The following HIVEP3 variants were observed in gnomAD, a reference collection of about 807,000 sequenced individuals.
HIVEP3 encodes the protein HIVEP zinc finger 3.
HIVEP3 carries 49 observed loss-of-function variants against 152.8 expected under a neutral mutation model. That is an observed-to-expected ratio of 0.32 (90% CI 0.26 to 0.41). The LOEUF is 0.41. HIVEP3 is among the 10% of genes least tolerant of loss of function. The probability of loss-of-function intolerance (pLI) is 1.00; values close to 1 mark genes in which losing one functional copy is unlikely to be tolerated. For synonymous variants in HIVEP3, 1,269 were observed against 1,289.0 expected (o/e 0.98, Z 0.33); for missense variants, 2,790 against 3,103.3 (o/e 0.90, Z 2.40).
At chr1:41,721,310 C>T (rs543891906) in intron 1 of HIVEP3, among the ~76,000 whole-genome samples, 3 of 152,030 alleles carry the variant, frequency 2.0e-5, no homozygotes, top group South Asian at 4.2e-4. Flanking sequence ...CAGGTTCAAG[C>T]GATTCTCCTG....
rs949577708 is a variant in HIVEP3, at chr1:41,533,897, G to T, written c.5208-8987C>A. On this transcript the variant is annotated intron_variant, in intron 5 of 8. Coordinates refer to ENST00000372583, the MANE Select transcript of HIVEP3 (RefSeq NM_024503.5). The surrounding 1 kb of genome is among the most constrained non-coding windows in gnomAD (Gnocchi z 4.3). ...CTCATACCTTGCGTGCCCAGAACCA[G>T]CCTTCCAAGTCCCTCTACCTGCAGT... Among the ~76,000 whole-genome samples the T allele has an allele frequency of 6.7e-6, 1 of 148,492 alleles. No homozygotes were observed. The highest frequency in any genetic ancestry group is 2.0e-4 in the East Asian group (1 of 4,928).
chr1:41,754,040 G>A (rs1469683251), intron 1 of HIVEP3, among the ~76,000 whole-genome samples: 1 of 152,206 alleles, frequency 6.6e-6, no homozygotes, highest in Admixed American at 6.5e-5. Flanking sequence ...AGCTGAGGAA[G>A]ACATTCTGGG....
At chr1:41,570,316 T>A (rs1644233614) in intron 5 of HIVEP3, among the ~76,000 whole-genome samples, 1 of 152,148 alleles carries the variant, frequency 6.6e-6, no homozygotes, top group African/African-American at 2.4e-5. Context: ...TGAATTGTAA[T>A]CCCTATAATC....
chr1:41,838,376 G>A (rs985386965), intron 1 of HIVEP3, among the ~76,000 whole-genome samples: 15 of 152,136 alleles, frequency 9.9e-5, no homozygotes, highest in African/African-American at 3.6e-4. Flanking sequence ...CCAAAAAGCT[G>A]TCTGTTCCCC....
intron 1 of HIVEP3, among the ~76,000 whole-genome samples, chr1:41,959,786 C>T (rs900414283): frequency 7.9e-5 from 12 of 152,110 alleles, no homozygotes; most frequent in South Asian, 6.2e-4. Context: ...TTATGCTCCA[C>T]GGGGCTAGAG....
At chr1:41,993,821 T>C (rs910231033) in intron 1 of HIVEP3, among the ~76,000 whole-genome samples, 6 of 151,680 alleles carry the variant, frequency 4.0e-5, no homozygotes, top group Non-Finnish European at 8.8e-5. Context: ...TATGCAGCCA[T>C]AAAAAATGAT....
At chr1:41,618,288 G>C (rs1644998237) in intron 3 of HIVEP3, among the ~76,000 whole-genome samples, 1 of 152,238 alleles carries the variant, frequency 6.6e-6, no homozygotes, top group African/African-American at 2.4e-5. Flanking sequence ...GTTATGCAAT[G>C]CCGGGCCAGG....
Position 41,533,647 on chromosome 1 carries a change from A to T in HIVEP3, c.5208-8737T>A, listed in dbSNP as rs1176173965. ...CTTGCTGGCCTTCTGGAGGCACCTC[A>T]TTCCCTCCTGCTTGTGTCTCCTTTG... On this transcript the variant is annotated intron_variant, in intron 5 of 8. Coordinates refer to ENST00000372583, the MANE Select transcript of HIVEP3 (RefSeq NM_024503.5). The surrounding 1 kb of genome is among the most constrained non-coding windows in gnomAD (Gnocchi z 4.3). Among the ~76,000 whole-genome samples, 1 of 151,078 alleles carries T rather than the reference A, an allele frequency of 6.6e-6. No homozygotes were observed. Among genetic ancestry groups the T allele is most frequent in the Non-Finnish European group, 1.5e-5 (1 of 67,782 alleles).
chr1:41,596,445 C>T (rs375553973), intron 3 of HIVEP3, among the ~76,000 whole-genome samples: 47 of 152,276 alleles, frequency 3.1e-4, no homozygotes, highest in African/African-American at 1.1e-3. Context: ...AGTGCTGTTC[C>T]CCCAAGAAGC....
chr1:41,583,126 G>A lies in HIVEP3; in HGVS notation c.1672C>T (p.Arg558Ter), dbSNP rs1644443242. The change falls in exon 4 of 9, where the codon CGA (arginine) becomes TGA (stop). Residue 558 changes from arginine (R) to a stop codon, truncating the protein, a stop_gained. Transcript: ENST00000372583. LOFTEE classifies it high-confidence loss of function. The surrounding 1 kb of genome is among the most constrained non-coding windows in gnomAD (Gnocchi z 6.9). ...TGGTCATCGAAGGAGTAGCTACCTC[G>A]GAAGGGGTGGTGGGGGGTGCTGATA... ...CTISTPHHPF[R>*]GSYSFDDHIT... 1 of 1,613,638 alleles carries A rather than the reference G, an allele frequency of 6.2e-7. No individual in the cohort carries two copies. The highest frequency in any genetic ancestry group is 8.5e-7 in the Non-Finnish European group (1 of 1,179,980).
intron 1 of HIVEP3, among the ~76,000 whole-genome samples, chr1:41,993,221 A>C (rs371854694): frequency 4.0e-5 from 6 of 151,504 alleles, no homozygotes; most frequent in Admixed American, 2.6e-4. Context: ...CAACCTACAA[A>C]ATGGGAGAAA....
At chr1:41,822,283 G>A (rs954721656) in intron 1 of HIVEP3, among the ~76,000 whole-genome samples, 1 of 152,202 alleles carries the variant, frequency 6.6e-6, no homozygotes, top group Admixed American at 6.5e-5. Context: ...AAGAACAGTA[G>A]TATAAGCCAC....
intron 1 of HIVEP3, among the ~76,000 whole-genome samples, chr1:41,859,462 C>T (rs1047020263): frequency 1.3e-5 from 2 of 152,110 alleles, no homozygotes; most frequent in African/African-American, 4.8e-5. Flanking sequence ...CGCTTAGTAC[C>T]TATTTTCCAC....
intron 1 of HIVEP3, among the ~76,000 whole-genome samples, chr1:41,897,966 AGAG>A (rs1473153255): frequency 5.4e-5 from 8 of 149,466 alleles, no homozygotes; most frequent in African/African-American, 1.8e-4. Flanking sequence ...AGAGAGAGAG[AGAG>A]AGAGAGAGAG....
intron 1 of HIVEP3, among the ~76,000 whole-genome samples, chr1:41,795,257 T>C (rs1649917431): frequency 6.6e-6 from 1 of 152,204 alleles, no homozygotes; most frequent in Non-Finnish European, 1.5e-5. Flanking sequence ...TCATGATATT[T>C]TTGAAGAGTC....
intron 1 of HIVEP3, among the ~76,000 whole-genome samples, chr1:42,035,498 A>T (rs1473897970): frequency 1.3e-5 from 2 of 152,126 alleles, no homozygotes; most frequent in Admixed American, 6.5e-5. Flanking sequence ...CGTTGCGGGG[A>T]CAGGTGTGGG....
chr1:41,847,082 T>C (rs1643464462), intron 1 of HIVEP3: 1 of 152,254 alleles, frequency 6.6e-6, no homozygotes, highest in Non-Finnish European at 1.5e-5. Flanking sequence ...GCATTTGGGT[T>C]CTGAGCAGTT....
At chr1:41,958,574 T>C (rs1195536456) in intron 1 of HIVEP3, among the ~76,000 whole-genome samples, 2 of 152,208 alleles carry the variant, frequency 1.3e-5, no homozygotes, top group African/African-American at 4.8e-5. Flanking sequence ...CAGGGGCAGA[T>C]GACCAGGCCC....
chr1:41,815,449 T>C (rs1651202888), intron 1 of HIVEP3, among the ~76,000 whole-genome samples: 1 of 151,522 alleles, frequency 6.6e-6, no homozygotes, highest in Non-Finnish European at 1.5e-5. Context: ...CCAGCCTGGG[T>C]GATAGAGTGA....
Sources: allele counts gnomAD v4.1 joint callset (sites outside exome capture counted in the v4.1 genomes callset), GRCh38; gene constraint gnomAD v4.1.1; non-coding constraint Gnocchi (gnomAD v3.1); transcripts MANE v1.5; gene names NCBI Gene and HGNC (gene_info 2026-07-23, HGNC 2026-07-21).